Variants in FLVCR2 observed in about 807,000 individuals in gnomAD.
The protein encoded by FLVCR2 is choline/ethanolamine transporter FLVCR2.
A neutral mutation model predicts 48.9 loss-of-function variants in FLVCR2; 38 were observed. The ratio of observed to expected loss-of-function variants is 0.78; its 90% confidence interval spans 0.60 to 1.02. The LOEUF is 1.02. FLVCR2 is among the 50% of genes least tolerant of loss of function. The pLI is 0.00. For synonymous variants in FLVCR2, 255 were observed against 257.0 expected (o/e 0.99, Z 0.07); for missense variants, 664 against 663.3 (o/e 1.00, Z -0.01).
rs1468330026 is a variant in FLVCR2 at position 75,595,904 on chromosome 14, C to A, written c.669+16263C>A. 2.6e-6 allele frequency: 3 copies of A among 1,176,250 alleles called. No individual in the cohort carries two copies. The East Asian group carries it at 7.0e-5, about 27-fold the overall frequency. The allele number at this position is 1,176,250 out of a possible 1,614,324, so 72.9% of individuals were successfully genotyped here. A position where few individuals can be genotyped will look rare whatever the true frequency, so the allele number is the denominator to read the frequency against. On this transcript the variant is annotated intron_variant, in intron 1 of 9. Coordinates refer to ENST00000238667, the MANE Select transcript of FLVCR2 (RefSeq NM_017791.3). ...GTTCCTCTCATTGCTTTCTTGAGGTCTTTTTCTTCTCATACAGGCCATGTC... is the reference window on the plus strand; with the variant it reads ...GTTCCTCTCATTGCTTTCTTGAGGTATTTTTCTTCTCATACAGGCCATGTC...
intron 1 of FLVCR2, chr14:75,596,190 G>A: frequency 1.4e-6 from 1 of 722,794 alleles, no homozygotes; most frequent in Non-Finnish European, 2.5e-6. Context: ...AGTGTGGATA[G>A]TTACTGTGTC....
chr14:75,634,674 G>T (rs1890123177), intron 4 of FLVCR2, among the ~76,000 whole-genome samples: 1 of 152,162 alleles, frequency 6.6e-6, no homozygotes, highest in Non-Finnish European at 1.5e-5. Context: ...GAACAGATTT[G>T]GTTCATCCTT....
intron 1 of FLVCR2, among the ~76,000 whole-genome samples, chr14:75,609,600 G>A (rs1389983851): frequency 1.3e-5 from 2 of 152,120 alleles, no homozygotes; most frequent in African/African-American, 4.8e-5. Flanking sequence ...ATTTCTTGAA[G>A]TGCATGCTCC....
At chr14:75,639,553 G>T (rs966479891) in intron 6 of FLVCR2, 91 bp downstream of exon 6, 1 of 890,500 alleles carries the variant, frequency 1.1e-6, no homozygotes, top group Non-Finnish European at 1.9e-6. Flanking sequence ...TGATGCCTTT[G>T]CTGCCTTCTA....
chr14:75,634,863 GGTCTTGTCCCATC>G (rs1890126672), intron 4 of FLVCR2, 34 bp from the exon 5 acceptor site: 2 of 1,309,112 alleles, frequency 1.5e-6, no homozygotes, highest in Admixed American at 3.5e-5. Flanking sequence ...CTCTGTCCTG[GGTCTTGTCCCATC>G]GCCGGGTGAT....
At chr14:75,591,297 C>A (rs75153758) in intron 1 of FLVCR2, among the ~76,000 whole-genome samples, 161 of 152,322 alleles carry the variant, frequency 1.1e-3, no homozygotes, top group African/African-American at 3.6e-3. Context: ...ACCACCTTGG[C>A]CTCTCAGAGT....
intron 1 of FLVCR2, among the ~76,000 whole-genome samples, chr14:75,580,541 G>A (rs1420142211): frequency 6.6e-6 from 1 of 152,246 alleles, no homozygotes; most frequent in Non-Finnish European, 1.5e-5. Flanking sequence ...CAGGCTTTGT[G>A]TGAGCAACAA....
chr14:75,580,508 G>A (rs748498945), intron 1 of FLVCR2, among the ~76,000 whole-genome samples: 1 of 152,170 alleles, frequency 6.6e-6, no homozygotes, highest in East Asian at 1.9e-4. Context: ...TGTCTCACAC[G>A]TCCATGTGAA....
At chr14:75,602,239 C>A (rs1029747367) in intron 1 of FLVCR2, among the ~76,000 whole-genome samples, 28 of 152,222 alleles carry the variant, frequency 1.8e-4, no homozygotes, top group African/African-American at 6.5e-4. Context: ...CCTCCCCTCC[C>A]CTCCCTGGAG....
chr14:75,628,895 A>T (rs1367263086), intron 3 of FLVCR2, among the ~76,000 whole-genome samples: 4 of 152,368 alleles, frequency 2.6e-5, no homozygotes, highest in Middle Eastern at 3.4e-3. Context: ...CCAGACTGCC[A>T]GTCTGCCATT....
At chr14:75,586,298 A>G (rs1170164524) in intron 1 of FLVCR2, among the ~76,000 whole-genome samples, 2 of 152,252 alleles carry the variant, frequency 1.3e-5, no homozygotes, top group African/African-American at 4.8e-5. Flanking sequence ...GGAGAATTAC[A>G]AAGAACCTTC....
At chr14:75,618,627 C>T (rs1190277424) in intron 1 of FLVCR2, among the ~76,000 whole-genome samples, 1 of 152,200 alleles carries the variant, frequency 6.6e-6, no homozygotes, top group Non-Finnish European at 1.5e-5. Context: ...TCCATGTGCC[C>T]CGTTCTCCCA....
intron 5 of FLVCR2, among the ~76,000 whole-genome samples, chr14:75,636,809 G>C (rs751205938): frequency 6.6e-6 from 1 of 151,986 alleles, no homozygotes; most frequent in Non-Finnish European, 1.5e-5. Context: ...TGGAAATTGG[G>C]TGGTGAGGTC....
intron 1 of FLVCR2, among the ~76,000 whole-genome samples, chr14:75,614,158 T>G (rs1179024466): frequency 6.6e-6 from 1 of 152,248 alleles, no homozygotes; most frequent in Admixed American, 6.5e-5. Context: ...AAAGTCTAGA[T>G]TGAACCTCAA....
intron 2 of FLVCR2, 24 bp from the exon 3 acceptor site, chr14:75,624,588 C>A: frequency 4.3e-6 from 7 of 1,613,982 alleles, no homozygotes; most frequent in Non-Finnish European, 5.1e-6. Context: ...GAATTTTCAG[C>A]CATCTCTGTT....
chr14:75,630,618 G>T lies in FLVCR2; in HGVS notation c.953-3011G>T, dbSNP rs527321208. On this transcript the variant is annotated intron_variant, in intron 3 of 9. Transcript: ENST00000238667. ...CACCTGTAATCCCAGCACTTTGGGT[G>T]GCCAAAGTGGGAGGATCGTTTGAGG... Among the ~76,000 whole-genome samples the T allele has an allele frequency of 5.9e-5, 9 of 152,254 alleles. 1 individual carries two copies. The Middle Eastern group carries it at 0.031, about 518-fold the overall frequency.
At chr14:75,583,516 G>A (rs1888663544) in intron 1 of FLVCR2, among the ~76,000 whole-genome samples, 1 of 152,104 alleles carries the variant, frequency 6.6e-6, no homozygotes, top group African/African-American at 2.4e-5. Flanking sequence ...TCCCATACTT[G>A]TGGGTTAAGG....
At chr14:75,608,042 C>T (rs1022278198) in intron 1 of FLVCR2, among the ~76,000 whole-genome samples, 35 of 152,186 alleles carry the variant, frequency 2.3e-4, no homozygotes, top group African/African-American at 8.0e-4. Context: ...TGCACTCCAG[C>T]CTGGGCAACA....
intron 1 of FLVCR2, among the ~76,000 whole-genome samples, chr14:75,615,337 G>A (rs1889580994): frequency 6.6e-6 from 1 of 152,164 alleles, no homozygotes; most frequent in Non-Finnish European, 1.5e-5. Flanking sequence ...GGAAGGACAC[G>A]CAGATGGAGC....
Sources: gnomAD v4.1 joint callset for allele counts (sites outside exome capture counted in the v4.1 genomes callset) on GRCh38, gnomAD v4.1.1 for gene constraint, MANE v1.5 for transcripts, NCBI Gene and HGNC (gene_info 2026-07-23, HGNC 2026-07-21) for gene names.